ITGBL1: variants seen among roughly 807,000 people sequenced by gnomAD.
ITGBL1 encodes the protein integrin beta-like protein 1.
Under a neutral mutation model 68.5 loss-of-function variants are expected in ITGBL1, and 51 were observed. The observed-to-expected ratio is 0.74, with a 90% CI of 0.59 to 0.94. ITGBL1 has a LOEUF of 0.94. Ranked by LOEUF, ITGBL1 falls within the 40% of genes least tolerant of loss-of-function variation. The pLI is 0.00. For synonymous variants in ITGBL1, 209 were observed against 227.3 expected, an observed-to-expected ratio of 0.92 and a Z score of 0.72; for missense variants, 649 against 647.4, an observed-to-expected ratio of 1.00 and a Z score of -0.03.
chr13:101,657,404 A>C (rs12873072), intron 7 of ITGBL1, among the ~76,000 whole-genome samples: 12,967 of 152,210 alleles, frequency 0.085, 820 homozygotes, highest in East Asian at 0.32. Flanking sequence ...TGATGTTAAC[A>C]CATATACAGA....
intron 2 of ITGBL1, among the ~76,000 whole-genome samples, chr13:101,560,825 T>G (rs2050087377): frequency 6.6e-6 from 1 of 152,192 alleles, no homozygotes; most frequent in Non-Finnish European, 1.5e-5. Flanking sequence ...CAGGGCTGTG[T>G]AGCATCACAG....
At chr13:101,653,495 CAACA>C (rs145695984) in intron 7 of ITGBL1, among the ~76,000 whole-genome samples, 1,913 of 152,144 alleles carry the variant, frequency 0.013, 46 homozygotes, top group African/African-American at 0.044. Context: ...AAAAGTCAGT[CAACA>C]AATATATGTT....
At chr13:101,620,342 A>T (rs1260232755) in intron 7 of ITGBL1, among the ~76,000 whole-genome samples, 1 of 152,214 alleles carries the variant, frequency 6.6e-6, no homozygotes, top group Non-Finnish European at 1.5e-5. Flanking sequence ...TTACATTTTT[A>T]TATCAGACAG....
chr13:101,580,429 T>C (rs1421272145), intron 5 of ITGBL1, among the ~76,000 whole-genome samples: 2 of 90,452 alleles, frequency 2.2e-5, no homozygotes, highest in Non-Finnish European at 4.7e-5. Context: ...ATTTACCTTA[T>C]GGTTTCTTTT....
chr13:101,569,071 CTT>C (rs2050230019), intron 3 of ITGBL1, among the ~76,000 whole-genome samples: 2 of 139,846 alleles, frequency 1.4e-5, no homozygotes, highest in Non-Finnish European at 3.1e-5. Flanking sequence ...CACACACACA[CTT>C]CTCTACTTCC....
chr13:101,668,982 A>G (rs1042692086), intron 7 of ITGBL1, among the ~76,000 whole-genome samples: 1 of 152,204 alleles, frequency 6.6e-6, no homozygotes, highest in Non-Finnish European at 1.5e-5. Flanking sequence ...CTGTTGCTAT[A>G]TGACAAATAG....
At chr13:101,580,214 T>C (rs2050432252) in intron 5 of ITGBL1, among the ~76,000 whole-genome samples, 1 of 152,174 alleles carries the variant, frequency 6.6e-6, no homozygotes, top group Admixed American at 6.5e-5. Context: ...TGGAAAACTT[T>C]TTTTCATTTC....
rs771557088 is a variant in ITGBL1, at chr13:101,715,619, G to A, written c.1450G>A (p.Ala484Thr). 6.2e-7 allele frequency: 1 copy of A among 1,613,396 alleles called. No individual in the cohort carries two copies. ...CECWDGWNGN[A>T]CEIWLGSEYP ...ATGCTGGGATGGATGGAATGGAAAT[G>A]CATGTGAAATCTGGCTTGGCTCAGA... Residue 484 changes from alanine (A) to threonine (T), a missense_variant, in exon 11 of 11, where the codon GCA becomes ACA. Physicochemically the swap from Ala to Thr is moderately conservative, Grantham distance 58 (BLOSUM62 0). Coordinates refer to ENST00000376180, the MANE Select transcript of ITGBL1 (RefSeq NM_004791.3).
chr13:101,634,549 A>G (rs1015799391), intron 7 of ITGBL1, among the ~76,000 whole-genome samples: 2 of 152,178 alleles, frequency 1.3e-5, no homozygotes, highest in South Asian at 4.1e-4. Context: ...GATGTTATAT[A>G]AAGAAAGTTT....
intron 7 of ITGBL1, among the ~76,000 whole-genome samples, chr13:101,682,969 C>G (rs9518491): frequency 6.6e-6 from 1 of 151,762 alleles, no homozygotes; most frequent in Non-Finnish European, 1.5e-5. Flanking sequence ...CCCCTGGAAA[C>G]GTATTTAGTT....
chr13:101,570,943 C>T (rs2050261911), intron 3 of ITGBL1, among the ~76,000 whole-genome samples: 1 of 152,134 alleles, frequency 6.6e-6, no homozygotes, highest in African/African-American at 2.4e-5. Context: ...GGCCTTGTCT[C>T]CATTTTAATT....
rs541616467 is a variant in ITGBL1, at chr13:101,710,438, G to A, written c.1279+3536G>A. On this transcript the variant is annotated intron_variant, in intron 9 of 10. Coordinates refer to ENST00000376180, the MANE Select transcript of ITGBL1 (RefSeq NM_004791.3). ...TGCCACAGTTACTCCTGGTTCCAGT[G>A]GGGAGCACTACCCCACAACCCACCC... 9.9e-5 allele frequency among the ~76,000 whole-genome samples: 15 copies of A among 152,250 alleles called. No individual in the cohort carries two copies. In the East Asian group the frequency reaches 2.7e-3, roughly 27 times the overall value.
At chr13:101,584,768 G>A (rs1437953467) in intron 6 of ITGBL1, among the ~76,000 whole-genome samples, 1 of 152,014 alleles carries the variant, frequency 6.6e-6, no homozygotes, top group African/African-American at 2.4e-5. Context: ...CTCATGACTA[G>A]TGAGTGGCTT....
chr13:101,503,305 A>G (rs1174514637), intron 2 of ITGBL1, among the ~76,000 whole-genome samples: 2 of 152,142 alleles, frequency 1.3e-5, no homozygotes, highest in Non-Finnish European at 2.9e-5. Context: ...GGGAGTGGTG[A>G]GGCTCTCATT....
intron 2 of ITGBL1, among the ~76,000 whole-genome samples, chr13:101,456,134 T>A (rs151158505): frequency 2.8e-4 from 42 of 152,240 alleles, no homozygotes; most frequent in Non-Finnish European, 5.7e-4. Flanking sequence ...AATGCAGGAC[T>A]GAGTCAAGCA....
intron 2 of ITGBL1, among the ~76,000 whole-genome samples, chr13:101,496,851 C>T (rs1032852447): frequency 6.6e-6 from 1 of 152,150 alleles, no homozygotes; most frequent in Non-Finnish European, 1.5e-5. Flanking sequence ...AAGCTTCCTG[C>T]CATATCCTGA....
At chr13:101,667,879 T>G (rs2033260565) in intron 7 of ITGBL1, among the ~76,000 whole-genome samples, 1 of 148,876 alleles carries the variant, frequency 6.7e-6, no homozygotes, top group Non-Finnish European at 1.5e-5. Flanking sequence ...AGATAAGATA[T>G]GCAAATGACA....
At chr13:101,484,068 C>T (rs2065765) in intron 2 of ITGBL1, among the ~76,000 whole-genome samples, 131,219 of 151,450 alleles carry the variant, frequency 0.87, 56,946 homozygotes, top group East Asian at 0.99. Context: ...GTTTTTTTTT[C>T]CCCTGCTTTT....
chr13:101,682,032 A>G, intron 7 of ITGBL1, among the ~76,000 whole-genome samples: 1 of 152,228 alleles, frequency 6.6e-6, no homozygotes, highest in East Asian at 1.9e-4. Flanking sequence ...TCCATAAGGC[A>G]GTGCTTCCAG....
Sources: allele counts gnomAD v4.1 joint callset (sites outside exome capture counted in the v4.1 genomes callset), GRCh38; gene constraint gnomAD v4.1.1; transcripts MANE v1.5; gene names NCBI Gene and HGNC (gene_info 2026-07-23, HGNC 2026-07-21).